The following TENM2 variants were observed in gnomAD, a reference collection of about 807,000 sequenced individuals.
TENM2 encodes teneurin transmembrane protein 2.
In TENM2, 52 loss-of-function variants were observed where a neutral mutation model predicts 245.2. The ratio of observed to expected loss-of-function variants is 0.21; its 90% CI spans 0.17 to 0.27. The LOEUF (loss-of-function observed/expected upper bound fraction) is 0.27, where lower values mean the gene tolerates loss of function less well. Among genes scored for constraint, TENM2 ranks in the 10% least tolerant of loss-of-function variants. The probability of loss-of-function intolerance (pLI) is 1.00; values close to 1 mark genes in which losing one functional copy is unlikely to be tolerated. For synonymous variants in TENM2, 1,363 were observed against 1,438.9 expected (o/e 0.95, Z 1.19); for missense variants, 3,046 against 3,666.8 (o/e 0.83, Z 4.37).
At chr5:168,004,992 T>C (rs1784712048) in intron 5 of TENM2, among the ~76,000 whole-genome samples, 1 of 152,288 alleles carries the variant, frequency 6.6e-6, no homozygotes. Flanking sequence ...TGGAAGGTTG[T>C]TGGGTAAAGG....
chr5:168,015,455 A>G (rs573744390), intron 5 of TENM2, among the ~76,000 whole-genome samples: 1 of 152,366 alleles, frequency 6.6e-6, no homozygotes, highest in East Asian at 1.9e-4. Context: ...GACATTCGGC[A>G]CTGCAGCAGA....
rs193171030 is a variant in TENM2 at position 168,163,144 on chromosome 5, A to G, written c.2569+387A>G. Among the ~76,000 whole-genome samples, 10 of 152,368 alleles carry G rather than the reference A, an allele frequency of 6.6e-5. No individual in the cohort carries two copies. The East Asian group carries it at 1.9e-3, about 29-fold the overall frequency. On this transcript the variant is annotated intron_variant, in intron 13 of 28. Coordinates refer to ENST00000518659, the Ensembl canonical transcript of TENM2. ...GTCATAAGCAATGCCTGCTGCCTTCATCCTTACAGCCCTTTGAGATGTCAC... is the reference window on the plus strand; with the variant it reads ...GTCATAAGCAATGCCTGCTGCCTTCGTCCTTACAGCCCTTTGAGATGTCAC...
At chr5:167,528,317 G>A (rs920421563) in intron 2 of TENM2, among the ~76,000 whole-genome samples, 2 of 152,068 alleles carry the variant, frequency 1.3e-5, no homozygotes, top group East Asian at 3.9e-4. Flanking sequence ...GCAATATTTG[G>A]CTAAATATTC....
the TENM2 span, among the ~76,000 whole-genome samples, chr5:167,027,303 C>A: frequency 6.6e-6 from 1 of 152,100 alleles, no homozygotes; most frequent in African/African-American, 2.4e-5. Flanking sequence ...GCTAAAGTTT[C>A]TCATTTAATG....
the TENM2 span, among the ~76,000 whole-genome samples, chr5:167,091,109 T>G: frequency 3.3e-5 from 5 of 151,618 alleles, no homozygotes; most frequent in African/African-American, 1.2e-4. Context: ...GAAGCTGGGG[T>G]TTTTTTTGTG....
rs113120072 is a variant in TENM2 at position 167,887,500 on chromosome 5, T to A, written c.712+11305T>A. Among the ~76,000 whole-genome samples, 99 of 152,338 alleles carry A rather than the reference T, an allele frequency of 6.5e-4. 1 individual carries two copies. The highest frequency in any genetic ancestry group is 2.3e-3 in the African/African-American group (97 of 41,578). On this transcript the variant is annotated intron_variant, in intron 3 of 28. Transcript: ENST00000518659. ...ATCTGAGACCATCTGTGATTGTGGA[T>A]GTGATCACATTTAGAAAGAACAGAA...
chr5:167,941,177 G>T (rs949153481), intron 3 of TENM2, among the ~76,000 whole-genome samples: 1 of 152,200 alleles, frequency 6.6e-6, no homozygotes, highest in African/African-American at 2.4e-5. Flanking sequence ...AGAGCAACTT[G>T]CATGGCTCAT....
the TENM2 span, among the ~76,000 whole-genome samples, chr5:167,138,757 G>A: frequency 6.6e-6 from 1 of 152,056 alleles, no homozygotes; most frequent in Non-Finnish European, 1.5e-5. Flanking sequence ...CAAGTAGCTG[G>A]GATTACAGGC....
At chr5:167,708,790 TCTAA>T (rs1263384754) in intron 2 of TENM2, among the ~76,000 whole-genome samples, 2 of 152,178 alleles carry the variant, frequency 1.3e-5, no homozygotes, top group Non-Finnish European at 2.9e-5. Flanking sequence ...AGTTGTTTGC[TCTAA>T]CTGACTAATA....
intron 1 of TENM2, among the ~76,000 whole-genome samples, chr5:167,316,351 A>T (rs1379710317): frequency 6.6e-6 from 1 of 152,208 alleles, no homozygotes; most frequent in Non-Finnish European, 1.5e-5. Flanking sequence ...TAGCCAACCT[A>T]CTACAAATCA....
chr5:167,618,018 G>A (rs376309001), intron 2 of TENM2, among the ~76,000 whole-genome samples: 72 of 152,210 alleles, frequency 4.7e-4, no homozygotes, highest in African/African-American at 1.5e-3. Flanking sequence ...GTATGGTGCC[G>A]TGCTTGGGAT....
At chr5:167,760,259 G>C (rs1009098345) in intron 2 of TENM2, among the ~76,000 whole-genome samples, 3 of 152,140 alleles carry the variant, frequency 2.0e-5, no homozygotes, top group Admixed American at 6.5e-5. Context: ...ATTAAATAGG[G>C]CACTGTCACA....
intron 5 of TENM2, among the ~76,000 whole-genome samples, chr5:168,041,552 T>A (rs1004931011): frequency 6.6e-6 from 1 of 152,212 alleles, no homozygotes; most frequent in Non-Finnish European, 1.5e-5. Context: ...ACAAATGCCA[T>A]CCTTGACCAG....
intron 3 of TENM2, among the ~76,000 whole-genome samples, chr5:167,914,479 T>G (rs957164926): frequency 6.6e-6 from 1 of 152,186 alleles, no homozygotes; most frequent in African/African-American, 2.4e-5. Flanking sequence ...TATGATTACA[T>G]TGGGTCCACC....
At chr5:167,974,033 A>G (rs72824961) in intron 4 of TENM2, among the ~76,000 whole-genome samples, 3,027 of 34,596 alleles carry the variant, frequency 0.087, 297 homozygotes, top group East Asian at 0.56. Flanking sequence ...GGAAGGAAGG[A>G]AGGAGAAGGA....
At chr5:167,000,410 A>G in the TENM2 span, among the ~76,000 whole-genome samples, 5 of 152,178 alleles carry the variant, frequency 3.3e-5, no homozygotes, top group Admixed American at 1.3e-4. Flanking sequence ...CTCATTTAAG[A>G]GTTTATAATT....
At chr5:167,941,718 G>A (rs1583436738) in intron 3 of TENM2, among the ~76,000 whole-genome samples, 1 of 151,588 alleles carries the variant, frequency 6.6e-6, no homozygotes, top group East Asian at 1.9e-4. Context: ...GCCAGGCATG[G>A]TGGTATGTGC....
At chr5:167,943,215 C>T (rs1779328865) in intron 3 of TENM2, among the ~76,000 whole-genome samples, 2 of 152,178 alleles carry the variant, frequency 1.3e-5, no homozygotes, top group African/African-American at 4.8e-5. Flanking sequence ...GCTCCAGGAA[C>T]CTTTATCCCA....
chr5:167,997,696 A>G (rs894611459), intron 5 of TENM2, among the ~76,000 whole-genome samples: 1 of 152,128 alleles, frequency 6.6e-6, no homozygotes, highest in Non-Finnish European at 1.5e-5. Flanking sequence ...GTGTTATGAA[A>G]TATTATTTTC....
Sources: gnomAD v4.1 joint callset for allele counts (sites outside exome capture counted in the v4.1 genomes callset) on GRCh38, gnomAD v4.1.1 for gene constraint, MANE v1.5 for transcripts, NCBI Gene and HGNC (gene_info 2026-07-23, HGNC 2026-07-21) for gene names.